AUTS2: variants seen among roughly 807,000 people sequenced by gnomAD.
The protein encoded by AUTS2 is autism susceptibility gene 2 protein.
In AUTS2, 17 loss-of-function variants were observed where a neutral mutation model predicts 112.4. The ratio of observed to expected loss-of-function variants is 0.15; its 90% CI spans 0.10 to 0.23. The LOEUF (loss-of-function observed/expected upper bound fraction) is 0.23, where lower values mean the gene tolerates loss of function less well. Ranked by LOEUF, AUTS2 falls within the 10% of genes least tolerant of loss-of-function variation. The pLI is 1.00. For synonymous variants in AUTS2, 751 were observed against 702.7 expected (o/e 1.07, Z -1.09); for missense variants, 1,510 against 1,701.6 (o/e 0.89, Z 1.98).
At chr7:69,672,003 G>A (rs1254028024) in intron 1 of AUTS2, among the ~76,000 whole-genome samples, 1 of 151,998 alleles carries the variant, frequency 6.6e-6, no homozygotes, top group African/African-American at 2.4e-5. Flanking sequence ...GGTTGAGGGG[G>A]GGTCCCATAT....
At chr7:70,762,782 G>A (rs1789648687) in intron 6 of AUTS2, 88 bp from the exon 7 acceptor site, 2 of 982,744 alleles carry the variant, frequency 2.0e-6, no homozygotes, top group Non-Finnish European at 3.2e-6. Flanking sequence ...TGCTGGAGTT[G>A]TGTGATAGCC....
intron 5 of AUTS2, among the ~76,000 whole-genome samples, chr7:70,474,231 C>T (rs1235867347): frequency 1.3e-5 from 2 of 152,204 alleles, no homozygotes; most frequent in Non-Finnish European, 2.9e-5. Flanking sequence ...GAGGGCAACA[C>T]GTAATTAGGT....
intron 1 of AUTS2, among the ~76,000 whole-genome samples, chr7:69,846,281 C>T (rs1477726711): frequency 6.6e-6 from 1 of 152,182 alleles, no homozygotes; most frequent in Non-Finnish European, 1.5e-5. Flanking sequence ...GCCAAGACCA[C>T]ATTAGCCTTT....
intron 1 of AUTS2, among the ~76,000 whole-genome samples, chr7:69,680,764 G>C (rs1044532643): frequency 2.6e-5 from 4 of 152,158 alleles, no homozygotes; most frequent in African/African-American, 9.7e-5. Context: ...CCATCCCCCA[G>C]GTTCAAGTGA....
chr7:70,300,809 A>G (rs1207877460), intron 4 of AUTS2, among the ~76,000 whole-genome samples: 4 of 152,180 alleles, frequency 2.6e-5, no homozygotes, highest in African/African-American at 9.7e-5. Context: ...TGGGATGTAG[A>G]CACATAATGT....
At chr7:69,770,275 T>A (rs568875991) in intron 1 of AUTS2, among the ~76,000 whole-genome samples, 2 of 152,376 alleles carry the variant, frequency 1.3e-5, no homozygotes, top group African/African-American at 4.8e-5. Context: ...ACATTATAAA[T>A]GAGGACCATA....
chr7:70,151,718 C>T (rs1464680068), intron 4 of AUTS2, among the ~76,000 whole-genome samples: 1 of 152,154 alleles, frequency 6.6e-6, no homozygotes, highest in Non-Finnish European at 1.5e-5. Flanking sequence ...TCCCAAAGAG[C>T]TGGGATTACA....
chr7:70,757,790 G>A (rs1789307793), intron 6 of AUTS2, among the ~76,000 whole-genome samples: 1 of 121,352 alleles, frequency 8.2e-6, no homozygotes, highest in African/African-American at 3.0e-5. Flanking sequence ...GTTTTCTTGA[G>A]TATTCTTCCA....
intron 2 of AUTS2, among the ~76,000 whole-genome samples, chr7:69,925,578 A>T (rs2129543353): frequency 6.6e-6 from 1 of 152,172 alleles, no homozygotes; most frequent in East Asian, 1.9e-4. Context: ...TAATTAATTA[A>T]GAGACAGGAT....
chr7:70,206,535 A>T (rs1257939823), intron 4 of AUTS2, among the ~76,000 whole-genome samples: 1 of 152,186 alleles, frequency 6.6e-6, no homozygotes, highest in Non-Finnish European at 1.5e-5. Context: ...GTAACCTGGG[A>T]TGTTTTTAAC....
intron 4 of AUTS2, among the ~76,000 whole-genome samples, chr7:70,297,426 A>ATT (rs764795939): frequency 2.9e-4 from 40 of 136,440 alleles, no homozygotes; most frequent in African/African-American, 7.0e-4. Flanking sequence ...GAGGAAGATA[A>ATT]TTTTTTTTTT....
At chr7:70,709,221 T>C (rs999129473) in intron 6 of AUTS2, among the ~76,000 whole-genome samples, 1 of 151,962 alleles carries the variant, frequency 6.6e-6, no homozygotes, top group Non-Finnish European at 1.5e-5. Context: ...CCGGCCTTGT[T>C]GTTTAAATTC....
At chr7:69,822,590 A>G (rs1791046725) in intron 1 of AUTS2, among the ~76,000 whole-genome samples, 1 of 152,218 alleles carries the variant, frequency 6.6e-6, no homozygotes, top group Non-Finnish European at 1.5e-5. Flanking sequence ...AGAAGTGTTG[A>G]CTGCTGGGAG....
chr7:70,441,908 C>T (rs555091134), intron 5 of AUTS2, among the ~76,000 whole-genome samples: 134 of 152,252 alleles, frequency 8.8e-4, no homozygotes, highest in African/African-American at 2.8e-3. Flanking sequence ...TGGAAGAGTC[C>T]CATCCCTTGG....
At chr7:69,859,249 TA>T (rs1182124222) in intron 1 of AUTS2, among the ~76,000 whole-genome samples, 2 of 152,158 alleles carry the variant, frequency 1.3e-5, no homozygotes, top group Non-Finnish European at 2.9e-5. Context: ...GAAATAGAAA[TA>T]AAGATTGTTT....
chr7:70,580,725 A>G (rs1176744555), intron 5 of AUTS2, among the ~76,000 whole-genome samples: 2 of 152,204 alleles, frequency 1.3e-5, no homozygotes, highest in Non-Finnish European at 2.9e-5. Context: ...GGAACACTAC[A>G]AACCTTCAAG....
intron 2 of AUTS2, among the ~76,000 whole-genome samples, chr7:70,037,889 T>G (rs573575500): frequency 6.6e-6 from 1 of 152,108 alleles, no homozygotes; most frequent in African/African-American, 2.4e-5. Context: ...CTAATAAATG[T>G]TAGGTATTAA....
intron 2 of AUTS2, among the ~76,000 whole-genome samples, chr7:70,112,328 A>G (rs965698046): frequency 1.3e-5 from 2 of 151,956 alleles, no homozygotes; most frequent in East Asian, 3.8e-4. Context: ...AAGTCTGTTC[A>G]TATAATTTTT....
intron 5 of AUTS2, among the ~76,000 whole-genome samples, chr7:70,680,420 C>T (rs1218237086): frequency 6.6e-6 from 1 of 152,194 alleles, no homozygotes; most frequent in African/African-American, 2.4e-5. Context: ...GTACAGTATT[C>T]ATTCAGCACC....
Sources: allele counts gnomAD v4.1 joint callset (sites outside exome capture counted in the v4.1 genomes callset), GRCh38; gene constraint gnomAD v4.1.1; transcripts MANE v1.5; gene names NCBI Gene and HGNC (gene_info 2026-07-23, HGNC 2026-07-21).